Variants in CNTNAP2 observed in about 807,000 individuals in gnomAD.
CNTNAP2 encodes contactin associated protein 2.
A neutral mutation model predicts 155.2 loss-of-function variants in CNTNAP2; 98 were observed. That is an observed-to-expected ratio of 0.63 (90% CI 0.54 to 0.75). CNTNAP2 has a LOEUF of 0.75. Among genes scored for constraint, CNTNAP2 ranks in the 30% least tolerant of loss-of-function variants. CNTNAP2 has a pLI of 0.00. For synonymous variants in CNTNAP2, 651 were observed against 631.2 expected, an observed-to-expected ratio of 1.03 and a Z score of -0.47; for missense variants, 1,727 against 1,688.1, an observed-to-expected ratio of 1.02 and a Z score of -0.40.
intron 18 of CNTNAP2, among the ~76,000 whole-genome samples, chr7:148,181,034 C>A (rs979605017): frequency 4.6e-5 from 7 of 152,188 alleles, no homozygotes; most frequent in Non-Finnish European, 7.3e-5. Context: ...TTTGGGGCAA[C>A]TCCAGGCTCC....
intron 3 of CNTNAP2, among the ~76,000 whole-genome samples, chr7:146,884,414 G>T (rs776845581): frequency 6.6e-6 from 1 of 151,790 alleles, no homozygotes. Context: ...GGAAAGAGTG[G>T]TCCCTATTTT....
chr7:148,239,274 G>A (rs1224590444), intron 20 of CNTNAP2, among the ~76,000 whole-genome samples: 1 of 152,180 alleles, frequency 6.6e-6, no homozygotes, highest in African/African-American at 2.4e-5. Flanking sequence ...AAGTGTATTA[G>A]CACTTAACTT....
At chr7:146,711,192 A>G (rs1801062540) in intron 1 of CNTNAP2, among the ~76,000 whole-genome samples, 2 of 149,854 alleles carry the variant, frequency 1.3e-5, no homozygotes, top group South Asian at 4.2e-4. Flanking sequence ...ACACATATGT[A>G]TGTATACATA....
chr7:148,266,651 G>A (rs1585228369), intron 20 of CNTNAP2, among the ~76,000 whole-genome samples: 1 of 152,206 alleles, frequency 6.6e-6, no homozygotes, highest in East Asian at 1.9e-4. Flanking sequence ...AAAATAAAAT[G>A]TTTCCGCAAA....
intron 15 of CNTNAP2, among the ~76,000 whole-genome samples, chr7:148,112,684 C>T (rs918378317): frequency 6.6e-6 from 1 of 152,064 alleles, no homozygotes; most frequent in African/African-American, 2.4e-5. Context: ...TGTGAGGCAC[C>T]ATGCCAAGCT....
chr7:146,387,781 G>A (rs1031627099), intron 1 of CNTNAP2, among the ~76,000 whole-genome samples: 1 of 152,096 alleles, frequency 6.6e-6, no homozygotes, highest in Non-Finnish European at 1.5e-5. Flanking sequence ...TGAGGCAGGA[G>A]CCTCCACCAG....
intron 13 of CNTNAP2, among the ~76,000 whole-genome samples, chr7:147,676,505 T>C (rs921857062): frequency 6.6e-6 from 1 of 151,992 alleles, no homozygotes; most frequent in Non-Finnish European, 1.5e-5. Context: ...CGTATAGTTA[T>C]CATTTTTGTG....
rs375778446 is a variant in CNTNAP2 at position 148,349,432 on chromosome 7, C to T, written c.3476-34217C>T. On this transcript the variant is annotated intron_variant, in intron 21 of 23. Coordinates refer to ENST00000361727, the MANE Select transcript of CNTNAP2 (RefSeq NM_014141.6). ...CTTTTTTTTTTTTGAGACAGAGTCT[C>T]ACTCTGTCGCCCGGGCTGGAGTGCA... 9.8e-5 allele frequency among the ~76,000 whole-genome samples: 12 copies of T among 122,710 alleles called. No individual in the cohort carries two copies. The East Asian group carries it at 1.2e-3, about 12-fold the overall frequency. The allele number at this position is 122,710 out of a possible 152,430, so 80.5% of individuals were successfully genotyped here. A position where few individuals can be genotyped will look rare whatever the true frequency, so the allele number is the denominator to read the frequency against.
At chr7:147,879,043 T>A (rs756069848) in intron 13 of CNTNAP2, among the ~76,000 whole-genome samples, 1 of 152,216 alleles carries the variant, frequency 6.6e-6, no homozygotes, top group Non-Finnish European at 1.5e-5. Flanking sequence ...GAACCTCTCT[T>A]TCGGCCTCAG....
chr7:146,841,785 T>C (rs567639924), intron 3 of CNTNAP2, among the ~76,000 whole-genome samples: 14 of 152,270 alleles, frequency 9.2e-5, no homozygotes, highest in African/African-American at 3.4e-4. Context: ...ATACTTGAAC[T>C]TTAATGTATC....
chr7:146,635,050 A>G (rs17517293), intron 1 of CNTNAP2, among the ~76,000 whole-genome samples: 52,119 of 152,002 alleles, frequency 0.34, 10,716 homozygotes, highest in South Asian at 0.51. Flanking sequence ...AAAGAATGGT[A>G]GGAAATCAGA....
intron 4 of CNTNAP2, among the ~76,000 whole-genome samples, chr7:147,048,825 G>A (rs928814238): frequency 2.0e-5 from 3 of 152,080 alleles, no homozygotes; most frequent in Non-Finnish European, 4.4e-5. Flanking sequence ...ATAACATAAA[G>A]GACCTATAAA....
intron 11 of CNTNAP2, among the ~76,000 whole-genome samples, chr7:147,490,615 GTC>G (rs1339182217): frequency 6.6e-6 from 1 of 152,186 alleles, no homozygotes; most frequent in African/African-American, 2.4e-5. Context: ...GAAACTTGGT[GTC>G]TCTGTCCATT....
chr7:146,322,271 A>T lies in CNTNAP2; in HGVS notation c.97+205298A>T, dbSNP rs533674991. Among the ~76,000 whole-genome samples, 308 of 152,310 alleles carry T rather than the reference A, an allele frequency of 2.0e-3. 2 individuals carry two copies. Among genetic ancestry groups the T allele is most frequent in the African/African-American group, 7.0e-3 (289 of 41,582 alleles). On this transcript the variant is annotated intron_variant, in intron 1 of 23. Coordinates refer to ENST00000361727, the MANE Select transcript of CNTNAP2 (RefSeq NM_014141.6). ...CAGTATTTGCACTGTCAGATAAAAGATATTGCCTGCTTCACAGTAAAGAAT... is the reference window on the plus strand; with the variant it reads ...CAGTATTTGCACTGTCAGATAAAAGTTATTGCCTGCTTCACAGTAAAGAAT...
intron 10 of CNTNAP2, among the ~76,000 whole-genome samples, chr7:147,469,276 C>G (rs1433507855): frequency 6.6e-6 from 1 of 152,098 alleles, no homozygotes; most frequent in African/African-American, 2.4e-5. Flanking sequence ...TCAGGAAAAA[C>G]TCTACAAAAG....
chr7:147,004,128 A>T (rs1584777815), intron 3 of CNTNAP2, among the ~76,000 whole-genome samples: 1 of 151,580 alleles, frequency 6.6e-6, no homozygotes, highest in East Asian at 1.9e-4. Context: ...TTTGGCGAGG[A>T]AATATATTTG....
At chr7:146,957,873 C>T (rs78121147) in intron 3 of CNTNAP2, among the ~76,000 whole-genome samples, 2,772 of 152,146 alleles carry the variant, frequency 0.018, 47 homozygotes, top group East Asian at 0.045. Flanking sequence ...AGTTTATACA[C>T]ATGGACTTAT....
intron 18 of CNTNAP2, among the ~76,000 whole-genome samples, chr7:148,216,896 G>A (rs933252228): frequency 1.3e-5 from 2 of 152,082 alleles, no homozygotes; most frequent in African/African-American, 4.8e-5. Flanking sequence ...TTTTATAAAT[G>A]GGAGTTCCCC....
chr7:147,998,455 G>C (rs1413094967), intron 15 of CNTNAP2, among the ~76,000 whole-genome samples: 4 of 152,154 alleles, frequency 2.6e-5, no homozygotes, highest in Non-Finnish European at 5.9e-5. Flanking sequence ...TTGATAGCAG[G>C]CTGCAGATAC....
Sources: gnomAD v4.1 joint callset for allele counts (sites outside exome capture counted in the v4.1 genomes callset) on GRCh38, gnomAD v4.1.1 for gene constraint, MANE v1.5 for transcripts, NCBI Gene and HGNC (gene_info 2026-07-23, HGNC 2026-07-21) for gene names.